The following ZNF532 variants were observed in gnomAD, a reference collection of about 807,000 sequenced individuals.
The protein encoded by ZNF532 is zinc finger protein 532.
ZNF532 carries 22 observed loss-of-function variants against 89.3 expected under a neutral mutation model. That is an observed-to-expected ratio of 0.25 (90% CI 0.18 to 0.35). The LOEUF (loss-of-function observed/expected upper bound fraction) is 0.35, where lower values mean the gene tolerates loss of function less well. Among genes scored for constraint, ZNF532 ranks in the 10% least tolerant of loss-of-function variants. The probability of loss-of-function intolerance (pLI) is 1.00; values close to 1 mark genes in which losing one functional copy is unlikely to be tolerated. For synonymous variants in ZNF532, 606 were observed against 649.6 expected (o/e 0.93, Z 1.02); for missense variants, 1,132 against 1,643.4 (o/e 0.69, Z 5.38).
chr18:58,966,069 T>C (rs1450975360), intron 7 of ZNF532, among the ~76,000 whole-genome samples: 2 of 152,178 alleles, frequency 1.3e-5, no homozygotes, highest in African/African-American at 4.8e-5. Context: ...AGTCTATTTT[T>C]AAATTTCTCT....
In ZNF532 at chr18:58,985,185, A is replaced by G. The variant is rs2068273127; in HGVS notation, c.*719A>G. On this transcript the variant is annotated 3_prime_UTR_variant, in exon 10 of 10. Coordinates refer to ENST00000591808, the MANE Select transcript of ZNF532 (RefSeq NM_001375912.1). ...TCCATTTTGAGGAATGGGGAAGGCT[A>G]TTCTAAAGAAAAAAATGGGATTTGT... is the stretch of plus-strand genomic sequence containing the variant. 2 of 152,196 alleles carry G rather than the reference A, an allele frequency of 1.3e-5. No homozygotes were observed. The allele number at this position is 152,196 out of a possible 1,614,324, so 9.4% of individuals were successfully genotyped here.
Position 58,984,221 on chromosome 18 carries a change from C to T in ZNF532, c.3661C>T (p.His1221Tyr). ...CYTSHVSLSR[H>Y]LFIVHKLKEP... is the part of the protein sequence containing the mutation. Reference sequence around the variant, plus strand: ...CACGTCTCACGTCTCTCTGTCCAGGCACCTCTTCATCGTACACAAGTTAAA... The same window carrying T: ...CACGTCTCACGTCTCTCTGTCCAGGTACCTCTTCATCGTACACAAGTTAAA... The change falls in exon 10 of 10, where the codon CAC becomes TAC. Residue 1221 changes from histidine to tyrosine, a missense_variant. Physicochemically the swap from His to Tyr is moderately conservative, Grantham distance 83 (BLOSUM62 2). Transcript: ENST00000591808. 1 of 1,611,932 alleles carries T rather than the reference C, an allele frequency of 6.2e-7. No homozygotes were observed. The highest frequency in any genetic ancestry group is 8.5e-7 in the Non-Finnish European group (1 of 1,179,842).
In ZNF532 at chr18:58,918,904, A is replaced by G. The variant is rs765113955; in HGVS notation, c.617A>G (p.Glu206Gly). The G allele has an allele frequency of 6.2e-7, 1 of 1,614,116 alleles. No individual in the cohort carries two copies. Among genetic ancestry groups the G allele is most frequent in the East Asian group, 2.2e-5 (1 of 44,890 alleles). Residue 206 changes from glutamate to glycine, a missense_variant, in exon 3 of 10, where the codon GAA becomes GGA. By Grantham distance (98) the Glu-to-Gly change is moderately conservative. Around this residue, in one of 9 missense-constraint regions of ZNF532, gnomAD observed 302 missense variants for 319.8 expected, o/e 0.94. Coordinates refer to ENST00000591808, the MANE Select transcript of ZNF532 (RefSeq NM_001375912.1). Reference protein sequence around the residue: ...EKNKAVKRETEASSINLSVYE... With the variant: ...EKNKAVKRETGASSINLSVYE... ...AACAAAGCTGTTAAGAGAGAAACAG[A>G]AGCCAGTTCTATAAACCTGAGTGTT... is the stretch of plus-strand genomic sequence containing the variant.
chr18:58,929,863 T>C (rs1036588162), intron 3 of ZNF532, among the ~76,000 whole-genome samples: 11 of 152,214 alleles, frequency 7.2e-5, no homozygotes, highest in African/African-American at 1.9e-4. Context: ...CAGTGTGAAA[T>C]TGGACAAAAG....
intron 7 of ZNF532, among the ~76,000 whole-genome samples, chr18:58,966,441 C>T (rs1331775058): frequency 2.0e-5 from 3 of 152,036 alleles, no homozygotes; most frequent in Admixed American, 1.3e-4. Context: ...ATTTTTGGAT[C>T]ATGAACAAGA....
chr18:58,907,664 AT>A (rs1381031868), intron 2 of ZNF532, among the ~76,000 whole-genome samples: 1 of 152,032 alleles, frequency 6.6e-6, no homozygotes, highest in East Asian at 1.9e-4. Context: ...TCAGGAGAGG[AT>A]GGTCAGGTAG....
At chr18:58,942,198 A>G (rs1568381669) in intron 5 of ZNF532, among the ~76,000 whole-genome samples, 4 of 150,860 alleles carry the variant, frequency 2.7e-5, no homozygotes, top group Admixed American at 2.0e-4. Context: ...AATTTTTTGT[A>G]TTTTTAGTAG....
intron 7 of ZNF532, 80 bp from the exon 8 acceptor site, chr18:58,978,975 A>T: frequency 8.7e-7 from 1 of 1,152,406 alleles, no homozygotes; most frequent in Non-Finnish European, 1.3e-6. Context: ...GATTTAACTT[A>T]AACTATTACA....
At chr18:58,926,848 A>G (rs909977952) in intron 3 of ZNF532, among the ~76,000 whole-genome samples, 1 of 152,234 alleles carries the variant, frequency 6.6e-6, no homozygotes, top group African/African-American at 2.4e-5. Context: ...TTTTTCAGAT[A>G]TCAAAATAGC....
intron 9 of ZNF532, among the ~76,000 whole-genome samples, chr18:58,983,755 G>T (rs1199989631): frequency 1.6e-5 from 1 of 64,228 alleles, no homozygotes; most frequent in Non-Finnish European, 2.4e-5. Context: ...TGCCCCACTG[G>T]CAGAGCAATG....
intron 5 of ZNF532, among the ~76,000 whole-genome samples, chr18:58,947,596 T>C (rs1177957462): frequency 1.3e-5 from 2 of 152,212 alleles, no homozygotes; most frequent in Non-Finnish European, 2.9e-5. Context: ...GACATTCAAA[T>C]GTAAAATTGC....
chr18:58,963,898 G>C (rs1029918529), intron 7 of ZNF532, among the ~76,000 whole-genome samples: 7 of 151,894 alleles, frequency 4.6e-5, no homozygotes, highest in African/African-American at 1.5e-4. Flanking sequence ...TGAAATGTGT[G>C]GTAGGGCATA....
intron 3 of ZNF532, among the ~76,000 whole-genome samples, chr18:58,930,002 G>T (rs182374952): frequency 1.3e-5 from 2 of 152,264 alleles, no homozygotes; most frequent in East Asian, 3.9e-4. Context: ...TGTTAAGCTG[G>T]TATTGTTTCT....
At chr18:58,959,552 T>G (rs1325845162) in intron 7 of ZNF532, among the ~76,000 whole-genome samples, 5 of 152,104 alleles carry the variant, frequency 3.3e-5, no homozygotes, top group Non-Finnish European at 7.4e-5. Flanking sequence ...GCACTCGGCC[T>G]CAAGATTCTT....
At chr18:58,951,209 G>C (rs954681314) in intron 6 of ZNF532, among the ~76,000 whole-genome samples, 1 of 152,144 alleles carries the variant, frequency 6.6e-6, no homozygotes, top group African/African-American at 2.4e-5. Flanking sequence ...TGATTCTCCT[G>C]CCTTGGCCTT....
chr18:58,983,553 C>T (rs944325985), intron 9 of ZNF532, among the ~76,000 whole-genome samples: 11 of 152,174 alleles, frequency 7.2e-5, no homozygotes, highest in Non-Finnish European at 4.4e-5. Context: ...TCACCTGTCA[C>T]CAGGCTGTCC....
chr18:58,978,807 A>G (rs2067358743), intron 7 of ZNF532, among the ~76,000 whole-genome samples: 1 of 152,156 alleles, frequency 6.6e-6, no homozygotes, highest in Non-Finnish European at 1.5e-5. Context: ...TTTCATACAT[A>G]CCTTATATGG....
At position 58,916,486 on chromosome 18, in the gene ZNF532, TC is replaced by T. The variant is rs35927663; in HGVS notation, c.-17-1780del. 8.4e-3 allele frequency among the ~76,000 whole-genome samples: 1,280 copies of T among 152,258 alleles called. 14 individuals carry two copies. The highest frequency in any genetic ancestry group is 0.029 in the African/African-American group (1,185 of 41,538). Reference sequence around the variant, plus strand: ...TAGCTTGGTGCTGGGGGTATGTTATTCCCCCTCTGTTTCCGCAGGCGCCCCT... The same window carrying T: ...TAGCTTGGTGCTGGGGGTATGTTATTCCCCTCTGTTTCCGCAGGCGCCCCT... On this transcript the variant is annotated intron_variant, in intron 2 of 9. Transcript: ENST00000591808.
chr18:58,943,452 G>A (rs1030507003), intron 5 of ZNF532, among the ~76,000 whole-genome samples: 2 of 143,154 alleles, frequency 1.4e-5, no homozygotes, highest in African/African-American at 2.6e-5. Context: ...AAGCCACCGC[G>A]CCCAGCCTTT....
Sources: allele counts gnomAD v4.1 joint callset (sites outside exome capture counted in the v4.1 genomes callset), GRCh38; gene constraint gnomAD v4.1.1; regional missense constraint gnomAD v4.1.1; transcripts MANE v1.5; gene names NCBI Gene and HGNC (gene_info 2026-07-23, HGNC 2026-07-21).